ELFN1: variants seen among roughly 807,000 people sequenced by gnomAD.
ELFN1 encodes the protein extracellular leucine rich repeat and fibronectin type III domain containing 1.
In ELFN1, 6 loss-of-function variants were observed where a neutral mutation model predicts 7.6. The observed-to-expected ratio is 0.79, with a 90% CI of 0.43 to 1.56. ELFN1 has a LOEUF of 1.56. ELFN1 is among the 40% of genes most tolerant of loss of function. ELFN1 has a pLI of 0.01. For synonymous variants in ELFN1, 657 were observed against 588.1 expected, an observed-to-expected ratio of 1.12 and a Z score of -1.70; for missense variants, 1,169 against 1,232.2, an observed-to-expected ratio of 0.95 and a Z score of 0.77.
intron 1 of ELFN1, among the ~76,000 whole-genome samples, chr7:1,672,299 G>C (rs1265902215): frequency 6.6e-6 from 1 of 152,120 alleles, no homozygotes; most frequent in Non-Finnish European, 1.5e-5. Flanking sequence ...GGAAAGCACT[G>C]ATTTTTCAAA....
In ELFN1 at chr7:1,712,910, G is replaced by T. The variant is rs143535781; in HGVS notation, c.-294+3658G>T. Among the ~76,000 whole-genome samples the T allele has an allele frequency of 6.9e-3, 1,052 of 152,320 alleles. 5 individuals are homozygous for T. The highest frequency in any genetic ancestry group is 0.01 in the Non-Finnish European group (705 of 68,032). ...ATGGGGAAAATAAGGCCCCTCAGGA[G>T]GGAAGCGTTCAGTGGGATGTGTAGA... On this transcript the variant is annotated intron_variant, in intron 3 of 3. Coordinates refer to ENST00000424383, the MANE Select transcript of ELFN1 (RefSeq NM_001128636.4).
chr7:1,737,627 CG>C (rs1780486358), intron 3 of ELFN1, among the ~76,000 whole-genome samples: 2 of 152,168 alleles, frequency 1.3e-5, no homozygotes, highest in African/African-American at 4.8e-5. Context: ...CTCATTCCAT[CG>C]GGGGCATTCC....
chr7:1,734,586 C>T (rs1038241063), intron 3 of ELFN1, among the ~76,000 whole-genome samples: 3 of 152,194 alleles, frequency 2.0e-5, no homozygotes, highest in Non-Finnish European at 4.4e-5. Context: ...ACCCCCTTCC[C>T]GACCTTCCAG....
chr7:1,709,762 T>C (rs532807519), intron 3 of ELFN1, among the ~76,000 whole-genome samples: 1 of 152,382 alleles, frequency 6.6e-6, no homozygotes, highest in South Asian at 2.1e-4. Context: ...ATTGAATGCC[T>C]AGGTGAATAG....
In ELFN1 at chr7:1,735,847, A is replaced by G. The variant is rs1482237907; in HGVS notation, c.-293-8457A>G. Among the ~76,000 whole-genome samples, 1 of 152,058 alleles carries G rather than the reference A, an allele frequency of 6.6e-6. No individual in the cohort carries two copies. The highest frequency in any genetic ancestry group is 2.4e-5 in the African/African-American group (1 of 41,400). On this transcript the variant is annotated intron_variant, in intron 3 of 3. Coordinates refer to ENST00000424383, the MANE Select transcript of ELFN1 (RefSeq NM_001128636.4). The surrounding 1 kb of genome is among the most constrained non-coding windows in gnomAD (Gnocchi z 5.9). ...TGCCAGGAGCCTTCAGTAACTGGTG[A>G]TGCATCCCCCACCACAACCCTGGGA...
At position 1,702,739 on chromosome 7, in the gene ELFN1, G is replaced by A. The variant is rs147015429; in HGVS notation, c.-455-6352G>A. ...ATATACATTCTGTTGGACTTTTTATGTACATAATCACATTGTCTGTGAATA... is the reference window on the plus strand; with the variant it reads ...ATATACATTCTGTTGGACTTTTTATATACATAATCACATTGTCTGTGAATA... On this transcript the variant is annotated intron_variant, in intron 2 of 3. Coordinates refer to ENST00000424383, the MANE Select transcript of ELFN1 (RefSeq NM_001128636.4). Among the ~76,000 whole-genome samples the A allele has an allele frequency of 4.6e-5, 7 of 151,198 alleles. No individual in the cohort carries two copies. The East Asian group carries it at 1.4e-3, about 29-fold the overall frequency.
At chr7:1,706,076 C>G (rs1451827986) in intron 2 of ELFN1, among the ~76,000 whole-genome samples, 1 of 152,178 alleles carries the variant, frequency 6.6e-6, no homozygotes, top group Non-Finnish European at 1.5e-5. Flanking sequence ...CCTCTGGGTT[C>G]CTCCTCCGAT....
rs1367488041 is a variant in ELFN1 at position 1,670,626 on chromosome 7, C to T, written c.-549+272C>T. 1.3e-5 allele frequency among the ~76,000 whole-genome samples: 2 copies of T among 151,844 alleles called. No individual in the cohort carries two copies. Among genetic ancestry groups the T allele is most frequent in the African/African-American group, 4.9e-5 (2 of 41,152 alleles). ...GTCGGGGTCGCTGCCGCAGCCCGCA[C>T]GCTGCCCCGTGCCTCCGAGAGGTCC... On this transcript the variant is annotated intron_variant, in intron 1 of 3. Transcript: ENST00000424383. This position sits in a 1 kb window ranked among gnomAD's most constrained non-coding sequence, Gnocchi z 6.4.
intron 3 of ELFN1, among the ~76,000 whole-genome samples, chr7:1,709,855 C>T (rs1779614159): frequency 6.6e-6 from 1 of 152,238 alleles, no homozygotes; most frequent in African/African-American, 2.4e-5. Context: ...TTTCATTCTG[C>T]ATTGGGAAGG....
At chr7:1,693,595 G>A (rs781052439) in intron 2 of ELFN1, 22 of 471,088 alleles carry the variant, frequency 4.7e-5, no homozygotes, top group Admixed American at 1.9e-4. Flanking sequence ...CAGAGGGGTC[G>A]GTGTACACCG....
At chr7:1,702,491 G>A (rs1218617816) in intron 2 of ELFN1, among the ~76,000 whole-genome samples, 2 of 149,972 alleles carry the variant, frequency 1.3e-5, no homozygotes, top group African/African-American at 2.5e-5. Context: ...TGACATTCTT[G>A]GCCTTTTTTT....
rs1229300162 is a variant in ELFN1 at position 1,673,115 on chromosome 7, G to A, written c.-549+2761G>A. Among the ~76,000 whole-genome samples, 1 of 149,312 alleles carries A rather than the reference G, an allele frequency of 6.7e-6. No individual in the cohort carries two copies. Among genetic ancestry groups the A allele is most frequent in the Non-Finnish European group, 1.5e-5 (1 of 67,466 alleles). ...CCCCCGCTCTTTCCTTTTTGTTTTT[G>A]TTGTGGATTTGGTTTCTTCCAGCAC... On this transcript the variant is annotated intron_variant, in intron 1 of 3. Coordinates refer to ENST00000424383, the MANE Select transcript of ELFN1 (RefSeq NM_001128636.4). This position sits in a 1 kb window ranked among gnomAD's most constrained non-coding sequence, Gnocchi z 4.7.
In ELFN1 at chr7:1,673,856, A is replaced by G. The variant is rs866625145; in HGVS notation, c.-549+3502A>G. ...AGTAAGCTGGAGCTGTGGCTGGACCAGGCCTCCACACCTGTAGAGCTGTCC... is the reference window on the plus strand; with the variant it reads ...AGTAAGCTGGAGCTGTGGCTGGACCGGGCCTCCACACCTGTAGAGCTGTCC... On this transcript the variant is annotated intron_variant, in intron 1 of 3. Transcript: ENST00000424383. This position sits in a 1 kb window ranked among gnomAD's most constrained non-coding sequence, Gnocchi z 4.7. 2.0e-5 allele frequency among the ~76,000 whole-genome samples: 3 copies of G among 152,214 alleles called. No homozygotes were observed. Among genetic ancestry groups the G allele is most frequent in the Non-Finnish European group, 4.4e-5 (3 of 68,024 alleles).
At chr7:1,677,102 T>C (rs1481884692) in intron 1 of ELFN1, among the ~76,000 whole-genome samples, 2 of 152,178 alleles carry the variant, frequency 1.3e-5, no homozygotes, top group Admixed American at 6.5e-5. Context: ...TACATTCCTA[T>C]AGAGAAAAAT....
chr7:1,731,889 A>G lies in ELFN1; in HGVS notation c.-293-12415A>G, dbSNP rs557061551. ...GGTCTGGAACTCCTGAGCTCAGGTG[A>G]TCTGTCCGCCTCGGCCTCCCAAAGT... On this transcript the variant is annotated intron_variant, in intron 3 of 3. Coordinates refer to ENST00000424383, the MANE Select transcript of ELFN1 (RefSeq NM_001128636.4). Among the ~76,000 whole-genome samples the G allele has an allele frequency of 7.9e-5, 12 of 152,312 alleles. No homozygotes were observed. The South Asian group carries it at 2.5e-3, about 32-fold the overall frequency.
upstream of ELFN1, among the ~76,000 whole-genome samples, chr7:1,669,154 C>A (rs1778714524): frequency 6.6e-6 from 1 of 152,266 alleles, no homozygotes; most frequent in African/African-American, 2.4e-5. Flanking sequence ...CAGGACTGAA[C>A]GGCGTCGTGG....
Position 1,744,542 on chromosome 7 carries a change from C to A in ELFN1, c.-55C>A. 7.0e-7 allele frequency: 1 copy of A among 1,438,806 alleles called. No homozygotes were observed. 89.1% of individuals were successfully genotyped at this position (1,438,806 alleles called of 1,614,324 possible). A position where few individuals can be genotyped will look rare whatever the true frequency, so the allele number is the denominator to read the frequency against. ...TCCCTCTGGGGGCTGGCGCCTGGCCCCCCACCTGGTCCCCCTGGGCAGGCT... is the reference window on the plus strand; with the variant it reads ...TCCCTCTGGGGGCTGGCGCCTGGCCACCCACCTGGTCCCCCTGGGCAGGCT... On this transcript the variant is annotated 5_prime_UTR_variant, in exon 4 of 4. Transcript: ENST00000424383.
chr7:1,666,688 C>T (rs1389900353), upstream of ELFN1, among the ~76,000 whole-genome samples: 2 of 151,612 alleles, frequency 1.3e-5, no homozygotes, highest in East Asian at 3.9e-4. This position sits in a 1 kb window ranked among gnomAD's most constrained non-coding sequence, Gnocchi z 7.9. Flanking sequence ...AGCCGCGGCG[C>T]CCCAAGTTGA....
intron 3 of ELFN1, among the ~76,000 whole-genome samples, chr7:1,726,681 G>C (rs892019084): frequency 6.6e-6 from 1 of 152,196 alleles, no homozygotes; most frequent in African/African-American, 2.4e-5. Flanking sequence ...ACAGACAGGT[G>C]AGCAGGTGGG....
Sources: gnomAD v4.1 joint callset for allele counts (sites outside exome capture counted in the v4.1 genomes callset) on GRCh38, gnomAD v4.1.1 for gene constraint, Gnocchi (gnomAD v3.1) non-coding constraint, MANE v1.5 for transcripts, NCBI Gene and HGNC (gene_info 2026-07-23, HGNC 2026-07-21) for gene names.